The following EIF2AK4 variants were observed in gnomAD, a reference collection of about 807,000 sequenced individuals.
EIF2AK4 encodes eIF-2-alpha kinase GCN2.
In EIF2AK4, 139 loss-of-function variants were observed where a neutral mutation model predicts 211.1. The ratio of observed to expected loss-of-function variants is 0.66; its 90% CI spans 0.57 to 0.76. The LOEUF (loss-of-function observed/expected upper bound fraction) is 0.76, where lower values mean the gene tolerates loss of function less well. Ranked by LOEUF, EIF2AK4 falls within the 30% of genes least tolerant of loss-of-function variation. The pLI, the probability that EIF2AK4 is intolerant of heterozygous loss-of-function variation, is 0.00. For synonymous variants in EIF2AK4, 710 were observed against 751.3 expected (o/e 0.94, Z 0.90); for missense variants, 1,664 against 2,043.8 (o/e 0.81, Z 3.58).
intron 32 of EIF2AK4, among the ~76,000 whole-genome samples, chr15:40,023,985 T>C (rs1225435044): frequency 6.6e-6 from 1 of 152,124 alleles, no homozygotes; most frequent in African/African-American, 2.4e-5. Context: ...CAAAGGAGAG[T>C]GTGTGACTCC....
intron 5 of EIF2AK4, among the ~76,000 whole-genome samples, chr15:39,955,011 G>A (rs991227156): frequency 3.3e-5 from 5 of 152,158 alleles, no homozygotes; most frequent in African/African-American, 1.2e-4. Context: ...TACCTCCACA[G>A]ATAAGTGTAC....
chr15:39,991,001 G>A (rs755892429), intron 16 of EIF2AK4, among the ~76,000 whole-genome samples: 1 of 152,228 alleles, frequency 6.6e-6, no homozygotes, highest in African/African-American at 2.4e-5. Flanking sequence ...AGGATGCGGG[G>A]CAGTTGAGGA....
chr15:40,022,987 A>G (rs1341914054), intron 32 of EIF2AK4, among the ~76,000 whole-genome samples: 3 of 152,138 alleles, frequency 2.0e-5, no homozygotes, highest in Non-Finnish European at 4.4e-5. Context: ...TCGGCCTCCC[A>G]AAGTGCTGGG....
At chr15:39,983,280 A>G (rs1459502890) in intron 13 of EIF2AK4, among the ~76,000 whole-genome samples, 2 of 152,098 alleles carry the variant, frequency 1.3e-5, no homozygotes, top group Admixed American at 1.3e-4. Flanking sequence ...TTTGATTTGC[A>G]TTTCTCTAAT....
At chr15:39,987,750 A>G (rs1007977941) in intron 14 of EIF2AK4, among the ~76,000 whole-genome samples, 3 of 152,260 alleles carry the variant, frequency 2.0e-5, no homozygotes, top group Non-Finnish European at 4.4e-5. Flanking sequence ...TAAATGAGCA[A>G]TAATATAAAA....
At chr15:40,012,895 G>A (rs983450286) in intron 27 of EIF2AK4, among the ~76,000 whole-genome samples, 2 of 152,160 alleles carry the variant, frequency 1.3e-5, no homozygotes, top group African/African-American at 4.8e-5. Context: ...TTAGGAAGGG[G>A]AGTAGAAATA....
intron 9 of EIF2AK4, among the ~76,000 whole-genome samples, chr15:39,972,112 A>AC (rs1206143219): frequency 1.3e-5 from 2 of 152,170 alleles, no homozygotes; most frequent in Non-Finnish European, 2.9e-5. Flanking sequence ...TAATCCCAGC[A>AC]CTTTGGGAGG....
chr15:39,939,152 G>A (rs965262227), intron 1 of EIF2AK4, among the ~76,000 whole-genome samples: 5 of 151,914 alleles, frequency 3.3e-5, no homozygotes, highest in Non-Finnish European at 7.4e-5. Flanking sequence ...GAAATCACTC[G>A]TCTTCTAGTT....
At chr15:39,943,072 C>T (rs550805794) in intron 2 of EIF2AK4, among the ~76,000 whole-genome samples, 2 of 151,678 alleles carry the variant, frequency 1.3e-5, no homozygotes, top group East Asian at 3.9e-4. Flanking sequence ...GTTAGGGATC[C>T]AGGTCAAATC....
intron 15 of EIF2AK4, 150 bp downstream of exon 15, chr15:39,988,255 A>G: frequency 1.2e-6 from 1 of 831,940 alleles, no homozygotes; most frequent in Non-Finnish European, 1.8e-6. Context: ...GAAATAGAAC[A>G]AAGTGTCAAA....
intron 9 of EIF2AK4, among the ~76,000 whole-genome samples, chr15:39,970,136 G>A (rs1392696770): frequency 2.0e-5 from 3 of 152,238 alleles, no homozygotes; most frequent in Admixed American, 6.5e-5. Context: ...ACCATCCTCA[G>A]TAGTGAGAAC....
chr15:40,000,224 A>T (rs945422253), intron 20 of EIF2AK4, among the ~76,000 whole-genome samples: 2 of 152,156 alleles, frequency 1.3e-5, no homozygotes, highest in Non-Finnish European at 1.5e-5. Flanking sequence ...CCTATATCCC[A>T]TACAAACTAA....
chr15:39,991,873 A>G, intron 16 of EIF2AK4: 1 of 227,780 alleles, frequency 4.4e-6, no homozygotes. Flanking sequence ...CTTAGAAAAC[A>G]GATTCTGTTT....
rs1306568908 is a variant in EIF2AK4 at position 40,030,475 on chromosome 15, T to C, written c.4659+19T>C. ...AACTCAGGTACACTGGGTCAGGGTT[T>C]CTTTGGCTTTCTAATATGAGTTACA... On this transcript the variant is annotated intron_variant, in intron 35 of 38. Coordinates refer to ENST00000263791, the MANE Select transcript of EIF2AK4 (RefSeq NM_001013703.4). 6.9e-6 allele frequency: 11 copies of C among 1,602,516 alleles called. No individual in the cohort carries two copies. Among genetic ancestry groups the C allele is most frequent in the Non-Finnish European group, 8.5e-6 (10 of 1,171,794 alleles).
intron 1 of EIF2AK4, among the ~76,000 whole-genome samples, chr15:39,937,616 CCCCCTCTGTT>C (rs1212048472): frequency 6.6e-6 from 1 of 150,434 alleles, no homozygotes; most frequent in Non-Finnish European, 1.5e-5. Context: ...GGTTTTTTTT[CCCCCTCTGTT>C]CCAATGTTAC....
In EIF2AK4 at chr15:40,034,474, C is replaced by T. The variant is rs148809472; in HGVS notation, c.4892+30C>T. ...GTTATCACTTGGGCATAGCAGGGTT[C>T]ACATGGTTAAAATTCAGGGCGGGGG... On this transcript the variant is annotated intron_variant, in intron 38 of 38. Coordinates refer to ENST00000263791, the MANE Select transcript of EIF2AK4 (RefSeq NM_001013703.4). 340 of 1,557,990 alleles carry T rather than the reference C, an allele frequency of 2.2e-4. No individual in the cohort carries two copies. The African/African-American group carries it at 4.3e-3, about 20-fold the overall frequency.
chr15:39,990,125 T>C, intron 15 of EIF2AK4, 148 bp from the exon 16 acceptor site: 1 of 685,490 alleles, frequency 1.5e-6, no homozygotes, highest in African/African-American at 1.8e-5. Flanking sequence ...TCAGGACATA[T>C]TGCAGAGGCC....
chr15:39,973,082 A>G (rs2034647199), intron 10 of EIF2AK4, 68 bp downstream of exon 10: 2 of 1,325,700 alleles, frequency 1.5e-6, no homozygotes, highest in Admixed American at 3.4e-5. Flanking sequence ...GTATACATAA[A>G]CCAAAAACTG....
chr15:40,002,239 A>G (rs1208459682), intron 21 of EIF2AK4, among the ~76,000 whole-genome samples: 2 of 152,168 alleles, frequency 1.3e-5, no homozygotes, highest in African/African-American at 4.8e-5. Flanking sequence ...TAAATTTTCT[A>G]TAGTGAAATG....
Sources: gnomAD v4.1 joint callset for allele counts (sites outside exome capture counted in the v4.1 genomes callset) on GRCh38, gnomAD v4.1.1 for gene constraint, MANE v1.5 for transcripts, NCBI Gene and HGNC (gene_info 2026-07-23, HGNC 2026-07-21) for gene names.